Variants in UGGT1 observed in about 807,000 individuals in gnomAD.
UGGT1 encodes UDP-glucose glycoprotein glucosyltransferase 1, also known as UDP-glucose:glycoprotein glucosyltransferase 1.
In UGGT1, 107 loss-of-function variants were observed where a neutral mutation model predicts 203.9. The observed-to-expected ratio is 0.52, with a 90% CI of 0.45 to 0.62. UGGT1 has a LOEUF of 0.62. Among genes scored for constraint, UGGT1 ranks in the 20% least tolerant of loss-of-function variants. UGGT1 has a pLI of 0.00. For synonymous variants in UGGT1, 628 were observed against 653.5 expected, an observed-to-expected ratio of 0.96 and a Z score of 0.59; for missense variants, 1,673 against 1,867.2, an observed-to-expected ratio of 0.90 and a Z score of 1.92.
chr2:128,149,281 A>G (rs1277475310), intron 18 of UGGT1, among the ~76,000 whole-genome samples: 1 of 151,420 alleles, frequency 6.6e-6, no homozygotes, highest in Non-Finnish European at 1.5e-5. Context: ...GGCTCAAGCA[A>G]TTTGTCTACC....
At chr2:128,169,199 G>A (rs959996442) in intron 26 of UGGT1, among the ~76,000 whole-genome samples, 2 of 150,156 alleles carry the variant, frequency 1.3e-5, no homozygotes, top group South Asian at 2.1e-4. Context: ...GGTGAGACCC[G>A]TATCTCTACA....
chr2:128,171,639 C>G (rs1691109245), intron 28 of UGGT1, among the ~76,000 whole-genome samples: 1 of 152,174 alleles, frequency 6.6e-6, no homozygotes, highest in African/African-American at 2.4e-5. Flanking sequence ...TCCTTAGTAG[C>G]TGGGATTACA....
In UGGT1 at chr2:128,091,393, C is replaced by A; in HGVS notation, c.36C>A (p.Ala12=). The change falls in exon 1 of 41, where the codon GCC becomes GCA. Residue 12 remains alanine, a synonymous_variant. Coordinates refer to ENST00000259253, the MANE Select transcript of UGGT1 (RefSeq NM_020120.4). ...AGGGAGACGCGAGCGGTGCGTGTGC[C>A]GCGGGTGCGCTGCCGGTGACAGGTA... The part of the protein sequence containing the change: ...GCKGDASGAC[A]AGALPVTGVC... The A allele has an allele frequency of 1.3e-6, 2 of 1,578,286 alleles. No homozygotes were observed. Among genetic ancestry groups the A allele is most frequent in the Admixed American group, 1.8e-5 (1 of 54,726 alleles).
intron 22 of UGGT1, 63 bp downstream of exon 22, chr2:128,157,409 G>A (rs1480040732): frequency 5.9e-6 from 8 of 1,363,936 alleles, no homozygotes; most frequent in Admixed American, 1.7e-5. Context: ...CATGGGCTTC[G>A]CTGTGCGGCT....
At chr2:128,183,040 A>G (rs1691785060) in intron 37 of UGGT1, among the ~76,000 whole-genome samples, 1 of 151,960 alleles carries the variant, frequency 6.6e-6, no homozygotes, top group Non-Finnish European at 1.5e-5. Context: ...GTGACCTACA[A>G]TGTTGCAATG....
chr2:128,185,860 G>A (rs1691950722), intron 38 of UGGT1, among the ~76,000 whole-genome samples: 1 of 152,008 alleles, frequency 6.6e-6, no homozygotes. Flanking sequence ...CTTGTTCCAT[G>A]TAAGTCTTAG....
Position 128,121,278 on chromosome 2 carries a change from G to A in UGGT1, c.1053G>A (p.Gln351=). 6.2e-7 allele frequency: 1 copy of A among 1,611,120 alleles called. No homozygotes were observed. The highest frequency in any genetic ancestry group is 8.5e-7 in the Non-Finnish European group (1 of 1,179,236). The change falls in exon 10 of 41, where the codon CAG becomes CAA. Residue 351 remains glutamine, a synonymous_variant. Coordinates refer to ENST00000259253, the MANE Select transcript of UGGT1 (RefSeq NM_020120.4). ...LALVVMKDLS[Q]NFPTKARAIT... ...TGGTTGTCATGAAGGATCTTAGTCA[G>A]AATTTTCCTACCAAAGCCAGGTAAT...
At chr2:128,114,719 TG>T (rs1326300093) in intron 6 of UGGT1, among the ~76,000 whole-genome samples, 1 of 152,244 alleles carries the variant, frequency 6.6e-6, no homozygotes, top group Admixed American at 6.5e-5. Context: ...CCATTTCTTA[TG>T]GTTGGGACCA....
At chr2:128,149,353 A>G (rs1689835696) in intron 18 of UGGT1, among the ~76,000 whole-genome samples, 1 of 150,244 alleles carries the variant, frequency 6.7e-6, no homozygotes, top group South Asian at 2.1e-4. Flanking sequence ...GTATTCCATT[A>G]TAAAAAATAG....
Position 128,145,985 on chromosome 2 carries a change from G to A in UGGT1, c.2016+18G>A. 1 of 1,613,160 alleles carries A rather than the reference G, an allele frequency of 6.2e-7. No individual in the cohort carries two copies. The highest frequency in any genetic ancestry group is 1.1e-5 in the South Asian group (1 of 90,980). The stretch of plus-strand genomic sequence containing the variant: ...TGTACTTGGTGAGTCACGTTTCAAG[G>A]CTGATTTTTTAAAGAGAACAGTTGG... On this transcript the variant is annotated intron_variant, in intron 18 of 40. Transcript: ENST00000259253.
Position 128,138,836 on chromosome 2 carries a change from T to A in UGGT1, c.1703T>A (p.Phe568Tyr). 6.2e-7 allele frequency: 1 copy of A among 1,613,636 alleles called. No individual in the cohort carries two copies. The highest frequency in any genetic ancestry group is 8.5e-7 in the Non-Finnish European group (1 of 1,179,910). Residue 568 changes from phenylalanine (F) to tyrosine (Y), a missense_variant, in exon 16 of 41, where the codon TTC becomes TAC. Around this residue, in one of 4 missense-constraint regions of UGGT1, gnomAD observed 1,073 missense variants for 1,078.7 expected, o/e 0.99. Coordinates refer to ENST00000259253, the MANE Select transcript of UGGT1 (RefSeq NM_020120.4). Reference protein sequence around the residue: ...VAQEVDDYHAFQTLTHIYNKV... With the variant: ...VAQEVDDYHAYQTLTHIYNKV... ...CAAGAAGTGGATGATTATCATGCCT[T>A]CCAGACTCTGACACATGTACGTTTT...
rs1173627745 is a variant in UGGT1, at chr2:128,178,576, C to T, written c.3815+7C>T. 4.4e-6 allele frequency: 7 copies of T among 1,594,748 alleles called. No homozygotes were observed. Among genetic ancestry groups the T allele is most frequent in the Non-Finnish European group, 6.0e-6 (7 of 1,172,020 alleles). On this transcript the variant is annotated splice_region_variant and intron_variant, in intron 34 of 40. Transcript: ENST00000259253. Reference sequence around the variant, plus strand: ...TCTACGAAAGATTTCTTCGGTCAGTCTTGTTGATTATTTCATTATATATGA... The same window carrying T: ...TCTACGAAAGATTTCTTCGGTCAGTTTTGTTGATTATTTCATTATATATGA...
chr2:128,143,172 G>A lies in UGGT1; in HGVS notation c.1798G>A (p.Val600Ile), dbSNP rs773676304. 1.2e-6 allele frequency: 2 copies of A among 1,613,790 alleles called. No homozygotes were observed. The highest frequency in any genetic ancestry group is 1.1e-5 in the South Asian group (1 of 90,990). The change falls in exon 17 of 41, where the codon GTA (valine) becomes ATA (isoleucine). Residue 600 changes from valine (V) to isoleucine (I), a missense_variant. By Grantham distance (29) the Val-to-Ile change is conservative. This residue lies in a region of UGGT1 where 1,073 missense variants were observed against 1,078.7 expected (regional missense o/e 0.99). Transcript: ENST00000259253. ...VSVLEKKYPY[V>I]EVNSILGIDS... ...TGTCCTGGAGAAGAAATATCCGTAT[G>A]TAGAAGTGAATAGCATTTTGGGGAT...
intron 20 of UGGT1, among the ~76,000 whole-genome samples, chr2:128,155,878 CATTT>C (rs1462431498): frequency 1.3e-5 from 2 of 152,076 alleles, no homozygotes; most frequent in Non-Finnish European, 2.9e-5. Flanking sequence ...AATGGAAAAA[CATTT>C]GTGATGTAAA....
chr2:128,129,462 G>A (rs905078570), intron 13 of UGGT1, among the ~76,000 whole-genome samples: 3 of 149,474 alleles, frequency 2.0e-5, no homozygotes, highest in Non-Finnish European at 3.0e-5. Context: ...GCAGTGGCGC[G>A]ATCTTGGCTT....
At chr2:128,108,095 C>G in intron 4 of UGGT1, 27 bp downstream of exon 4, 1 of 1,613,148 alleles carries the variant, frequency 6.2e-7, no homozygotes. Flanking sequence ...TAAAGAACAG[C>G]ATTTTAGAGT....
intron 26 of UGGT1, among the ~76,000 whole-genome samples, chr2:128,167,221 C>A (rs1242735567): frequency 6.6e-6 from 1 of 152,174 alleles, no homozygotes; most frequent in African/African-American, 2.4e-5. Flanking sequence ...GAGTCCTGAG[C>A]AAAGACCTCT....
chr2:128,139,321 A>G (rs1294235705), intron 16 of UGGT1, among the ~76,000 whole-genome samples: 1 of 152,214 alleles, frequency 6.6e-6, no homozygotes, highest in East Asian at 1.9e-4. Flanking sequence ...CCTAGGCTTA[A>G]GGGATCCTCC....
At chr2:128,133,398 T>G in intron 14 of UGGT1, 138 bp downstream of exon 14, 1 of 1,210,690 alleles carries the variant, frequency 8.3e-7, no homozygotes, top group Non-Finnish European at 1.2e-6. Flanking sequence ...TCTTCCCTGT[T>G]CACACTGGAA....
Sources: gnomAD v4.1 joint callset for allele counts (sites outside exome capture counted in the v4.1 genomes callset) on GRCh38, gnomAD v4.1.1 for gene constraint, gnomAD v4.1.1 regional missense constraint, MANE v1.5 for transcripts, NCBI Gene and HGNC (gene_info 2026-07-23, HGNC 2026-07-21) for gene names.